The following LAPTM4B variants were observed in gnomAD, a reference collection of about 807,000 sequenced individuals.
LAPTM4B encodes the protein lysosomal protein transmembrane 4 beta, also known as lysosomal-associated transmembrane protein 4B.
LAPTM4B carries 26 observed loss-of-function variants against 28.5 expected under a neutral mutation model. The observed-to-expected ratio is 0.91, with a 90% CI of 0.67 to 1.27. LAPTM4B has a LOEUF of 1.27. Among genes scored for constraint, LAPTM4B ranks in the 50% most tolerant of loss-of-function variants. The pLI is 0.00. For missense variants in LAPTM4B, 288 were observed against 285.8 expected, an observed-to-expected ratio of 1.01 and a Z score of -0.06; for synonymous variants, 109 against 106.4, an observed-to-expected ratio of 1.02 and a Z score of -0.15.
intron 6 of LAPTM4B, among the ~76,000 whole-genome samples, chr8:97,838,454 T>C (rs1417943635): frequency 6.6e-6 from 1 of 152,224 alleles, no homozygotes; most frequent in African/African-American, 2.4e-5. Flanking sequence ...GTGCTTTACA[T>C]AGATTAACTC....
rs181298245 is a variant in LAPTM4B, at chr8:97,795,802, A to C, written c.100-9551A>C. Among the ~76,000 whole-genome samples, 506 of 143,022 alleles carry C rather than the reference A, an allele frequency of 3.5e-3. 5 individuals carry two copies. Among genetic ancestry groups the C allele is most frequent in the African/African-American group, 0.011 (440 of 38,324 alleles). 93.8% of individuals were successfully genotyped at this position (143,022 alleles called of 152,430 possible). ...CCAGAGGCCGAGATTGCCCCACTGC[A>C]CTCCAGCCTCAGCGACAAAGTGAGA... On this transcript the variant is annotated intron_variant, in intron 1 of 6. Coordinates refer to ENST00000521545, the MANE Select transcript of LAPTM4B (RefSeq NM_018407.6).
intron 6 of LAPTM4B, among the ~76,000 whole-genome samples, chr8:97,845,584 T>A (rs72673484): frequency 0.17 from 25,723 of 151,926 alleles, 2,286 homozygotes; most frequent in East Asian, 0.23. Context: ...TCTTAGGACC[T>A]TGAACAGACT....
At position 97,805,568 on chromosome 8, in the gene LAPTM4B, A is replaced by G. The variant is rs80018590; in HGVS notation, c.211+104A>G. On this transcript the variant is annotated intron_variant, in intron 2 of 6. Transcript: ENST00000521545. ...CTCGTGAGTTCATTTGAGCTGATAT[A>G]TAACTTGTCATTGCAAATCAACGAA... 1,441 of 701,134 alleles carry G rather than the reference A, an allele frequency of 2.1e-3. 11 individuals are homozygous for G. In the African/African-American group the frequency reaches 0.021, roughly 10 times the overall value. 43.4% of individuals were successfully genotyped at this position (701,134 alleles called of 1,614,324 possible).
At chr8:97,842,177 A>G (rs1341926255) in intron 6 of LAPTM4B, among the ~76,000 whole-genome samples, 2 of 152,236 alleles carry the variant, frequency 1.3e-5, no homozygotes, top group Non-Finnish European at 2.9e-5. Context: ...AGCTTTACTT[A>G]CAAACACTGA....
chr8:97,820,305 T>TTTTC (rs1554591890), intron 5 of LAPTM4B, among the ~76,000 whole-genome samples: 3 of 43,514 alleles, frequency 6.9e-5, no homozygotes, highest in Non-Finnish European at 1.1e-4. Context: ...TCTTTCTTTC[T>TTTTC]TTTTTTTTTT....
At position 97,816,781 on chromosome 8, in the gene LAPTM4B, A is replaced by G. The variant is rs117120425; in HGVS notation, c.408+601A>G. Among the ~76,000 whole-genome samples the G allele has an allele frequency of 9.2e-5, 14 of 152,292 alleles. No individual in the cohort carries two copies. In the East Asian group the frequency reaches 2.7e-3, roughly 29 times the overall value. Reference sequence around the variant, plus strand: ...GAAAGTGGGACTCTGCTCAAAAACAAACAAAATAATTAGCTGGGAGAGGTG... The same window carrying G: ...GAAAGTGGGACTCTGCTCAAAAACAGACAAAATAATTAGCTGGGAGAGGTG... On this transcript the variant is annotated intron_variant, in intron 4 of 6. Coordinates refer to ENST00000521545, the MANE Select transcript of LAPTM4B (RefSeq NM_018407.6).
intron 5 of LAPTM4B, among the ~76,000 whole-genome samples, chr8:97,822,533 TTTA>T (rs1252579091): frequency 1.5e-5 from 1 of 68,352 alleles, no homozygotes; most frequent in African/African-American, 4.7e-5. Context: ...TTCTATTTTA[TTTA>T]TTTATTTATT....
intron 6 of LAPTM4B, among the ~76,000 whole-genome samples, chr8:97,843,610 T>C (rs1193205131): frequency 1.3e-5 from 2 of 152,012 alleles, no homozygotes; most frequent in Non-Finnish European, 2.9e-5. Flanking sequence ...TGAAACTCTG[T>C]CTCTACTAGA....
chr8:97,823,496 T>A (rs1259742346), intron 5 of LAPTM4B, among the ~76,000 whole-genome samples: 1 of 151,666 alleles, frequency 6.6e-6, no homozygotes, highest in Non-Finnish European at 1.5e-5. Flanking sequence ...TGCCTCAGCC[T>A]CCCACATAGC....
At chr8:97,792,169 G>A (rs960847006) in intron 1 of LAPTM4B, among the ~76,000 whole-genome samples, 16 of 152,126 alleles carry the variant, frequency 1.1e-4, no homozygotes, top group African/African-American at 3.4e-4. Context: ...CAACATGGCC[G>A]CCATTATAGT....
chr8:97,803,853 GGCT>G (rs1816724086), intron 1 of LAPTM4B, among the ~76,000 whole-genome samples: 1 of 151,994 alleles, frequency 6.6e-6, no homozygotes, highest in Non-Finnish European at 1.5e-5. Context: ...GTGTTGCCCA[GGCT>G]TGTCTTGAAC....
At chr8:97,829,092 AG>A (rs1269403784) in intron 6 of LAPTM4B, among the ~76,000 whole-genome samples, 1 of 152,116 alleles carries the variant, frequency 6.6e-6, no homozygotes, top group Non-Finnish European at 1.5e-5. Context: ...GTGTTCTGGA[AG>A]TGGGGTCCTG....
intron 1 of LAPTM4B, among the ~76,000 whole-genome samples, chr8:97,777,043 TA>T (rs1816230536): frequency 6.6e-6 from 1 of 151,754 alleles, no homozygotes; most frequent in Admixed American, 6.6e-5. Context: ...GATGGAGAGT[TA>T]GACCAGAGTT....
At position 97,814,486 on chromosome 8, in the gene LAPTM4B, T is replaced by C. The variant is rs184192503; in HGVS notation, c.212-842T>C. Among the ~76,000 whole-genome samples the C allele has an allele frequency of 3.0e-3, 456 of 151,806 alleles. 2 individuals carry two copies. The highest frequency in any genetic ancestry group is 0.011 in the African/African-American group (435 of 41,392). ...TTGCATTGAGCCAATGTTGTCCCAC[T>C]GCATTCCAGCCTGGGCGACAGAGTG... On this transcript the variant is annotated intron_variant, in intron 2 of 6. Transcript: ENST00000521545.
chr8:97,782,045 A>G lies in LAPTM4B; in HGVS notation c.99+5937A>G, dbSNP rs767340737. ...GCCCAGGCTGGAGTGCAATGGTGCGATCTCGGCTCACCGCAACCTCCGACT... is the reference window on the plus strand; with the variant it reads ...GCCCAGGCTGGAGTGCAATGGTGCGGTCTCGGCTCACCGCAACCTCCGACT... On this transcript the variant is annotated intron_variant, in intron 1 of 6. Transcript: ENST00000521545. Among the ~76,000 whole-genome samples, 54 of 146,986 alleles carry G rather than the reference A, an allele frequency of 3.7e-4. 1 individual carries two copies. Among genetic ancestry groups the G allele is most frequent in the Non-Finnish European group, 5.4e-4 (36 of 67,062 alleles).
Position 97,835,057 on chromosome 8 carries a change from A to G in LAPTM4B, c.603+9904A>G, listed in dbSNP as rs752823139. ...GGGGTTGGAATGATCTAGATCTGTC[A>G]TTTTCCCTGGTCTCCATAGCTGTGT... On this transcript the variant is annotated intron_variant, in intron 6 of 6. Transcript: ENST00000521545. Among the ~76,000 whole-genome samples the G allele has an allele frequency of 6.1e-4, 93 of 152,208 alleles. 1 individual carries two copies. Among genetic ancestry groups the G allele is most frequent in the Non-Finnish European group, 1.1e-3 (73 of 68,046 alleles).
intron 3 of LAPTM4B, 40 bp from the exon 4 acceptor site, chr8:97,816,018 A>G: frequency 6.7e-7 from 1 of 1,503,716 alleles, no homozygotes; most frequent in Non-Finnish European, 9.0e-7. Flanking sequence ...TTGTTTTATA[A>G]TATTGAACAC....
intron 1 of LAPTM4B, 32 bp from the exon 2 acceptor site, chr8:97,805,321 A>C: frequency 1.1e-6 from 1 of 941,216 alleles, no homozygotes; most frequent in Non-Finnish European, 1.5e-6. Flanking sequence ...GGTTACTTAA[A>C]TTCTTTTTTT....
At chr8:97,781,530 G>A (rs1048821372) in intron 1 of LAPTM4B, among the ~76,000 whole-genome samples, 3 of 151,672 alleles carry the variant, frequency 2.0e-5, no homozygotes, top group Admixed American at 6.6e-5. Flanking sequence ...CGCCCGCCTC[G>A]GCCTCCCACA....
Sources: gnomAD v4.1 joint callset for allele counts (sites outside exome capture counted in the v4.1 genomes callset) on GRCh38, gnomAD v4.1.1 for gene constraint, MANE v1.5 for transcripts, NCBI Gene and HGNC (gene_info 2026-07-23, HGNC 2026-07-21) for gene names.